Variants in RIN3 observed in about 807,000 individuals in gnomAD.
The protein encoded by RIN3 is RAB5 interacting protein 3.
In RIN3, 54 loss-of-function variants were observed where a neutral mutation model predicts 76.3. That is an observed-to-expected ratio of 0.71 (90% CI 0.57 to 0.89). RIN3 has a LOEUF of 0.89. Among genes scored for constraint, RIN3 ranks in the 40% least tolerant of loss-of-function variants. RIN3 has a pLI of 0.00. For missense variants in RIN3, 1,256 were observed against 1,322.1 expected, an observed-to-expected ratio of 0.95 and a Z score of 0.78; for synonymous variants, 576 against 564.0, an observed-to-expected ratio of 1.02 and a Z score of -0.30.
chr14:92,565,143 G>A (rs575303161), intron 2 of RIN3, among the ~76,000 whole-genome samples: 1 of 152,304 alleles, frequency 6.6e-6, no homozygotes, highest in Admixed American at 6.5e-5. Context: ...TTCCCATCGA[G>A]GTTGAGCTCT....
At chr14:92,664,364 C>CTTTTTTTTTTTTTTTTTT (rs373597134) in intron 7 of RIN3, among the ~76,000 whole-genome samples, 4 of 84,444 alleles carry the variant, frequency 4.7e-5, no homozygotes, top group Admixed American at 1.6e-4. Context: ...TTCTTTCTTT[C>CTTTTTTTTTTTTTTTTTT]TTTTTTTTTT....
intron 1 of RIN3, among the ~76,000 whole-genome samples, chr14:92,547,376 T>G (rs913146769): frequency 1.5e-5 from 2 of 137,404 alleles, no homozygotes; most frequent in Non-Finnish European, 3.2e-5. Flanking sequence ...ATTATCTTTA[T>G]TTTATTATTA....
intron 1 of RIN3, among the ~76,000 whole-genome samples, chr14:92,521,532 G>T (rs1345033141): frequency 6.6e-6 from 1 of 152,062 alleles, no homozygotes; most frequent in African/African-American, 2.4e-5. Flanking sequence ...CATGAGATCT[G>T]GTTGTTTACA....
chr14:92,666,990 C>T (rs549019456), intron 7 of RIN3, among the ~76,000 whole-genome samples: 11 of 152,188 alleles, frequency 7.2e-5, no homozygotes, highest in Non-Finnish European at 1.5e-4. Flanking sequence ...GGGGGCCAAC[C>T]GGGTGGTGAT....
chr14:92,643,507 G>T lies in RIN3; in HGVS notation c.532+2178G>T, dbSNP rs1194905245. Among the ~76,000 whole-genome samples the T allele has an allele frequency of 6.6e-6, 1 of 152,250 alleles. No individual in the cohort carries two copies. The highest frequency in any genetic ancestry group is 1.5e-5 in the Non-Finnish European group (1 of 68,046). On this transcript the variant is annotated intron_variant, in intron 5 of 9. Transcript: ENST00000216487. The surrounding 1 kb of genome is among the most constrained non-coding windows in gnomAD (Gnocchi z 4.8). ...CTCCAACCCTCCCAGGATCTTGGATGTGGGACAGGTGACAGTTTTGTAATT... is the reference window on the plus strand; with the variant it reads ...CTCCAACCCTCCCAGGATCTTGGATTTGGGACAGGTGACAGTTTTGTAATT...
At chr14:92,615,539 TGGGTGGGTGCA>T in intron 4 of RIN3, 60 bp downstream of exon 4, 3 of 1,425,408 alleles carry the variant, frequency 2.1e-6, no homozygotes, top group Non-Finnish European at 3.0e-6. Context: ...CATGCAACCC[TGGGTGGGTGCA>T]GGGGACTTCA....
intron 7 of RIN3, 60 bp downstream of exon 7, chr14:92,659,529 C>CATA: frequency 1.4e-6 from 2 of 1,454,980 alleles, no homozygotes; most frequent in Non-Finnish European, 1.8e-6. Context: ...GTCCATGACC[C>CATA]CACCCTGACC....
chr14:92,648,192 C>A lies in RIN3; in HGVS notation c.533-3390C>A, dbSNP rs1184770395. 7.9e-5 allele frequency among the ~76,000 whole-genome samples: 12 copies of A among 152,034 alleles called. No individual in the cohort carries two copies. Among genetic ancestry groups the A allele is most frequent in the Non-Finnish European group, 5.9e-5 (4 of 67,992 alleles). On this transcript the variant is annotated intron_variant, in intron 5 of 9. Coordinates refer to ENST00000216487, the MANE Select transcript of RIN3 (RefSeq NM_024832.5). The surrounding 1 kb of genome is among the most constrained non-coding windows in gnomAD (Gnocchi z 4.1). ...CAGCCCATTAGCTCCTGGCTTCCCCCACTCCTTGGAGTCACATTGGCTTTG... is the reference window on the plus strand; with the variant it reads ...CAGCCCATTAGCTCCTGGCTTCCCCAACTCCTTGGAGTCACATTGGCTTTG...
chr14:92,678,066 C>G (rs114246005), intron 8 of RIN3, among the ~76,000 whole-genome samples: 1 of 150,978 alleles, frequency 6.6e-6, no homozygotes, highest in Admixed American at 6.6e-5. Flanking sequence ...ATTCATCCAT[C>G]CATTAACCCA....
In RIN3 at chr14:92,652,374, A is replaced by T; in HGVS notation, c.1325A>T (p.Asp442Val). The T allele has an allele frequency of 6.2e-7, 1 of 1,609,548 alleles. No homozygotes were observed. The highest frequency in any genetic ancestry group is 8.5e-7 in the Non-Finnish European group (1 of 1,177,612). The change falls in exon 6 of 10, where the codon GAT becomes GTT. Residue 442 changes from aspartate (D) to valine (V), a missense_variant. Asp to Val is a radical substitution (Grantham distance 152, BLOSUM62 -3). Coordinates refer to ENST00000216487, the MANE Select transcript of RIN3 (RefSeq NM_024832.5). The surrounding 1 kb of genome is among the most constrained non-coding windows in gnomAD (Gnocchi z 6.4). ...QGQDTEVKASDPHSMPELPRT... is the reference protein window; with the variant it reads ...QGQDTEVKASVPHSMPELPRT... ...CAGGACACAGAGGTGAAAGCCAGCGATCCTCACAGCATGCCAGAGCTGCCC... is the reference window on the plus strand; with the variant it reads ...CAGGACACAGAGGTGAAAGCCAGCGTTCCTCACAGCATGCCAGAGCTGCCC...
At position 92,514,384 on chromosome 14, in the gene RIN3, C is replaced by A. The variant is rs1289541526; in HGVS notation, c.44+408C>A. Among the ~76,000 whole-genome samples the A allele has an allele frequency of 2.6e-5, 4 of 152,232 alleles. No individual in the cohort carries two copies. The highest frequency in any genetic ancestry group is 9.6e-5 in the African/African-American group (4 of 41,456). On this transcript the variant is annotated intron_variant, in intron 1 of 9. Coordinates refer to ENST00000216487, the MANE Select transcript of RIN3 (RefSeq NM_024832.5). The surrounding 1 kb of genome is among the most constrained non-coding windows in gnomAD (Gnocchi z 7.2). ...CAGCCCCGCCAGCCTGCTGCACCCG[C>A]TGCTCTGCGAGTCGCAGCGCGCGCC... is the stretch of plus-strand genomic sequence containing the variant.
chr14:92,629,012 G>C (rs144242258), intron 4 of RIN3, among the ~76,000 whole-genome samples: 4 of 152,238 alleles, frequency 2.6e-5, no homozygotes, highest in East Asian at 1.9e-4. Flanking sequence ...TGGCATTTAG[G>C]CTTCTCCACA....
chr14:92,636,905 TA>T (rs33933310), intron 4 of RIN3, among the ~76,000 whole-genome samples: 136,082 of 151,960 alleles, frequency 0.9, 61,147 homozygotes, highest in African/African-American at 0.94. Context: ...TAAAAATATA[TA>T]AAAAAATAGT....
chr14:92,540,832 C>A (rs1296718808), intron 1 of RIN3, among the ~76,000 whole-genome samples: 1 of 152,194 alleles, frequency 6.6e-6, no homozygotes, highest in Non-Finnish European at 1.5e-5. Context: ...CACAGAATTG[C>A]AGAATTCATA....
At chr14:92,523,105 G>GT (rs1406665922) in intron 1 of RIN3, among the ~76,000 whole-genome samples, 3 of 152,238 alleles carry the variant, frequency 2.0e-5, no homozygotes, top group African/African-American at 7.2e-5. Flanking sequence ...TATCTTGTTT[G>GT]TTTGTTTTAT....
At chr14:92,564,431 A>T (rs1052559578) in intron 2 of RIN3, among the ~76,000 whole-genome samples, 2 of 152,176 alleles carry the variant, frequency 1.3e-5, no homozygotes, top group African/African-American at 4.8e-5. Context: ...CAAGCCTCTT[A>T]GGGACTGGGA....
intron 1 of RIN3, among the ~76,000 whole-genome samples, chr14:92,552,051 T>C (rs765585115): frequency 1.4e-4 from 21 of 151,920 alleles, no homozygotes; most frequent in Admixed American, 6.6e-5. Flanking sequence ...TTCTGTTGGG[T>C]GATGGAGTGG....
chr14:92,577,683 C>T (rs1339221785), intron 3 of RIN3, among the ~76,000 whole-genome samples: 1 of 152,208 alleles, frequency 6.6e-6, no homozygotes. Context: ...TTTCCACTCA[C>T]CCTCGTCGCA....
At position 92,514,529 on chromosome 14, in the gene RIN3, C is replaced by A. The variant is rs1432826875; in HGVS notation, c.44+553C>A. ...ACCGAGGGTCCACTGGGCCCTTTTC[C>A]CGCCGCCCCTCTGCCCTGGCCGTAG... On this transcript the variant is annotated intron_variant, in intron 1 of 9. Transcript: ENST00000216487. The surrounding 1 kb of genome is among the most constrained non-coding windows in gnomAD (Gnocchi z 7.2). Among the ~76,000 whole-genome samples, 1 of 152,266 alleles carries A rather than the reference C, an allele frequency of 6.6e-6. No homozygotes were observed. The highest frequency in any genetic ancestry group is 1.5e-5 in the Non-Finnish European group (1 of 68,048).
Sources: gnomAD v4.1 joint callset for allele counts (sites outside exome capture counted in the v4.1 genomes callset) on GRCh38, gnomAD v4.1.1 for gene constraint, Gnocchi (gnomAD v3.1) non-coding constraint, MANE v1.5 for transcripts, NCBI Gene and HGNC (gene_info 2026-07-23, HGNC 2026-07-21) for gene names.